The following DOCK11 variants were observed in gnomAD, a reference collection of about 807,000 sequenced individuals.
DOCK11 encodes dedicator of cytokinesis 11.
A neutral mutation model predicts 169.1 loss-of-function variants in DOCK11; 70 were observed. That is an observed-to-expected ratio of 0.41 (90% CI 0.34 to 0.51). The LOEUF is 0.51. DOCK11 is among the 20% of genes least tolerant of loss of function. The probability of loss-of-function intolerance (pLI) is 0.10; values close to 1 mark genes in which losing one functional copy is unlikely to be tolerated. For missense variants in DOCK11, 1,166 were observed against 1,538.8 expected (o/e 0.76, Z 4.05); for synonymous variants, 529 against 541.3 (o/e 0.98, Z 0.32).
intron 3 of DOCK11, 88 bp from the exon 4 acceptor site, chrX:118,543,423 G>A (rs968220356): frequency 1.3e-6 from 1 of 741,434 alleles, no homozygotes; most frequent in South Asian, 2.5e-5. Flanking sequence ...GTTTTAGAAA[G>A]CCTGTCGGCA....
At chrX:118,661,115 A>G (rs1399692373) in intron 44 of DOCK11, among the ~76,000 whole-genome samples, 1 of 108,388 alleles carries the variant, frequency 9.2e-6, no homozygotes, top group African/African-American at 3.4e-5. Context: ...AGGCTGAGGC[A>G]GAAGGATGGC....
At chrX:118,512,102 G>C (rs1016051281) in intron 1 of DOCK11, among the ~76,000 whole-genome samples, 28 of 111,516 alleles carry the variant, frequency 2.5e-4, no homozygotes, top group African/African-American at 9.1e-4. Context: ...GGGTTTCACC[G>C]TGTTGCCCAG....
At chrX:118,570,103 G>A (rs766593611) in intron 10 of DOCK11, among the ~76,000 whole-genome samples, 2 of 112,117 alleles carry the variant, frequency 1.8e-5, no homozygotes, top group Non-Finnish European at 3.8e-5. Context: ...GTGTCGCCTC[G>A]GAGAAACCCA....
At chrX:118,535,783 A>T (rs2011733178) in intron 1 of DOCK11, among the ~76,000 whole-genome samples, 1 of 111,820 alleles carries the variant, frequency 8.9e-6, no homozygotes, top group Non-Finnish European at 1.9e-5. Context: ...AATAATCTTT[A>T]TGAAAAGATG....
Position 118,649,108 on chromosome X carries a change from T to C in DOCK11, c.4562T>C (p.Phe1521Ser), listed in dbSNP as rs1237010917. Residue 1521 changes from phenylalanine to serine, a missense_variant, in exon 41 of 53, where the codon TTT becomes TCT. Transcript: ENST00000276202. ...NNFEYTKRKT[F>S]LRTHLQIIIA... Reference sequence around the variant, plus strand: ...TTTGAGTATACCAAAAGGAAAACCTTTTTGAGGACACATCTACAGGTCAGT... The same window carrying C: ...TTTGAGTATACCAAAAGGAAAACCTCTTTGAGGACACATCTACAGGTCAGT... The C allele has an allele frequency of 3.3e-6, 4 of 1,198,095 alleles. No individual in the cohort carries two copies. The highest frequency in any genetic ancestry group is 4.5e-6 in the Non-Finnish European group (4 of 890,705).
chrX:118,512,311 C>A (rs894870751), intron 1 of DOCK11, among the ~76,000 whole-genome samples: 4 of 111,750 alleles, frequency 3.6e-5, no homozygotes, highest in Non-Finnish European at 7.5e-5. Context: ...TAAAAAGGGG[C>A]AAAAGGAAGG....
intron 1 of DOCK11, among the ~76,000 whole-genome samples, chrX:118,526,088 A>G (rs1247618440): frequency 5.4e-5 from 6 of 111,926 alleles, no homozygotes; most frequent in African/African-American, 9.7e-5. Context: ...TTGTAAACCT[A>G]TCCTTAGCAA....
chrX:118,641,945 C>T (rs1045822554), intron 39 of DOCK11, among the ~76,000 whole-genome samples: 5 of 110,479 alleles, frequency 4.5e-5, no homozygotes, highest in African/African-American at 1.6e-4. Flanking sequence ...TTCCCCTCTT[C>T]TCTAAGTAAT....
intron 1 of DOCK11, among the ~76,000 whole-genome samples, chrX:118,521,610 C>A (rs1269125409): frequency 8.9e-6 from 1 of 112,350 alleles, no homozygotes; most frequent in Non-Finnish European, 1.9e-5. Context: ...CTTGGAAGCA[C>A]CACATGACAG....
intron 30 of DOCK11, among the ~76,000 whole-genome samples, chrX:118,617,139 G>C (rs1411852392): frequency 3.6e-5 from 4 of 111,603 alleles, no homozygotes; most frequent in Non-Finnish European, 7.5e-5. Flanking sequence ...CGGCTTCATG[G>C]CCTATCTAAT....
chrX:118,590,373 A>T lies in DOCK11; in HGVS notation c.2139+71A>T, dbSNP rs1409136743. The T allele has an allele frequency of 1.1e-5, 10 of 881,183 alleles. No homozygotes were observed. In the African/African-American group the frequency reaches 2.0e-4, roughly 18 times the overall value. 72.6% of individuals were successfully genotyped at this position (881,183 alleles called of 1,213,427 possible). A position where few individuals can be genotyped will look rare whatever the true frequency, so the allele number is the denominator to read the frequency against. On this transcript the variant is annotated intron_variant, in intron 19 of 52. Coordinates refer to ENST00000276202, the MANE Select transcript of DOCK11 (RefSeq NM_144658.4). Reference sequence around the variant, plus strand: ...TTCTTTTTCTCTTTGAATCATTTTCATCATTTTACCAGCACTTTCAATCCC... The same window carrying T: ...TTCTTTTTCTCTTTGAATCATTTTCTTCATTTTACCAGCACTTTCAATCCC...
intron 6 of DOCK11, among the ~76,000 whole-genome samples, chrX:118,547,021 CA>C (rs1196669515): frequency 1.9e-5 from 2 of 106,156 alleles, no homozygotes; most frequent in Non-Finnish European, 3.9e-5. Flanking sequence ...TTTTTTTTTA[CA>C]AAAAAGGATA....
At chrX:118,648,915 A>T in intron 40 of DOCK11, 30 bp from the exon 41 acceptor site, 1 of 1,134,649 alleles carries the variant, frequency 8.8e-7, no homozygotes, top group Non-Finnish European at 1.2e-6. Context: ...TGGATTTTAA[A>T]TACTTATTTC....
intron 48 of DOCK11, among the ~76,000 whole-genome samples, chrX:118,679,635 A>C (rs1203991224): frequency 9.0e-6 from 1 of 110,975 alleles, no homozygotes; most frequent in Non-Finnish European, 1.9e-5. Flanking sequence ...GCTACACGGG[A>C]AGCTGAAGTG....
chrX:118,642,612 G>T (rs2015559990), intron 39 of DOCK11, among the ~76,000 whole-genome samples: 1 of 111,732 alleles, frequency 8.9e-6, no homozygotes, highest in Non-Finnish European at 1.9e-5. Flanking sequence ...GGCAGTGGCA[G>T]AATCAGGATT....
intron 15 of DOCK11, 57 bp from the exon 16 acceptor site, chrX:118,584,984 A>G: frequency 1.7e-6 from 2 of 1,147,308 alleles, no homozygotes; most frequent in South Asian, 3.7e-5. Context: ...ATAGAGGGTA[A>G]CCAGTGCATT....
At chrX:118,530,357 C>T (rs965107609) in intron 1 of DOCK11, among the ~76,000 whole-genome samples, 4 of 112,993 alleles carry the variant, frequency 3.5e-5, no homozygotes, top group South Asian at 3.6e-4. Flanking sequence ...TTTCCATTAA[C>T]GTTGACCTTC....
intron 6 of DOCK11, among the ~76,000 whole-genome samples, chrX:118,552,864 G>A (rs1249263288): frequency 9.0e-6 from 1 of 111,403 alleles, no homozygotes; most frequent in Non-Finnish European, 1.9e-5. Context: ...AGCACAAAGC[G>A]AGACCTCATC....
chrX:118,671,702 T>C (rs938940625), intron 46 of DOCK11, among the ~76,000 whole-genome samples: 1 of 111,185 alleles, frequency 9.0e-6, no homozygotes, highest in Non-Finnish European at 1.9e-5. Flanking sequence ...TTTTTTGAGA[T>C]GGAGTCTCGC....
Sources: allele counts gnomAD v4.1 joint callset (sites outside exome capture counted in the v4.1 genomes callset), GRCh38; gene constraint gnomAD v4.1.1; transcripts MANE v1.5; gene names NCBI Gene and HGNC (gene_info 2026-07-23, HGNC 2026-07-21).